The following MAB21L3 variants were observed in gnomAD, a reference collection of about 807,000 sequenced individuals.
MAB21L3 encodes mab-21 like 3, also known as protein mab-21-like 3.
A neutral mutation model predicts 37.7 loss-of-function variants in MAB21L3; 36 were observed. The ratio of observed to expected loss-of-function variants is 0.96; its 90% CI spans 0.73 to 1.26. The LOEUF is 1.26. MAB21L3 is among the 50% of genes most tolerant of loss of function. The pLI is 0.00. For synonymous variants in MAB21L3, 186 were observed against 176.8 expected (o/e 1.05, Z -0.41); for missense variants, 430 against 447.3 (o/e 0.96, Z 0.35).
At chr1:116,131,958 AC>A (rs1227861835) in intron 7 of MAB21L3, among the ~76,000 whole-genome samples, 1 of 152,112 alleles carries the variant, frequency 6.6e-6, no homozygotes, top group Admixed American at 6.6e-5. Flanking sequence ...ACAGGACTTG[AC>A]TGGGGACGGT....
chr1:116,121,103 C>T (rs41275550), intron 4 of MAB21L3, 31 bp downstream of exon 4: 125,145 of 1,600,600 alleles, frequency 0.078, 5,495 homozygotes, highest in Admixed American at 0.16. Context: ...CTAAGTGCCA[C>T]CAACAGAGCC....
At chr1:116,123,123 C>G (rs976918483) in intron 4 of MAB21L3, among the ~76,000 whole-genome samples, 15 of 152,314 alleles carry the variant, frequency 9.8e-5, no homozygotes, top group African/African-American at 3.1e-4. Flanking sequence ...TGACTCACAG[C>G]CGAAGGCGTG....
intron 3 of MAB21L3, 48 bp from the exon 4 acceptor site, chr1:116,120,884 G>A: frequency 2.5e-6 from 4 of 1,605,512 alleles, no homozygotes; most frequent in Non-Finnish European, 3.4e-6. Flanking sequence ...TGGTATCTTG[G>A]GGCCCACAGA....
intron 1 of MAB21L3, 23 bp from the exon 2 acceptor site, chr1:116,111,606 A>G (rs1418657675): frequency 4.5e-5 from 6 of 134,592 alleles, no homozygotes; most frequent in African/African-American, 1.8e-4. Context: ...GACCATTGTG[A>G]AATTTTTTTT....
intron 5 of MAB21L3, among the ~76,000 whole-genome samples, chr1:116,125,878 A>C (rs548070649): frequency 6.6e-6 from 1 of 150,836 alleles, no homozygotes; most frequent in East Asian, 1.9e-4. Flanking sequence ...GTGGGCCGGC[A>C]GGGTGTGGGC....
At chr1:116,120,911 G>T in intron 3 of MAB21L3, 21 bp from the exon 4 acceptor site, 1 of 1,613,268 alleles carries the variant, frequency 6.2e-7, no homozygotes, top group Non-Finnish European at 8.5e-7. Context: ...AACCACCATT[G>T]CTGGTCCCTC....
chr1:116,133,396 A>G lies in MAB21L3; in HGVS notation c.*31A>G. On this transcript the variant is annotated 3_prime_UTR_variant, in exon 8 of 8. Transcript: ENST00000369500. The stretch of plus-strand genomic sequence containing the variant: ...GCCCCGGCCTGGGAGGCTCTTGGAC[A>G]TTTTATTCTGGCTTAACATTGTTCT... 6.3e-7 allele frequency: 1 copy of G among 1,586,022 alleles called. No individual in the cohort carries two copies. Among genetic ancestry groups the G allele is most frequent in the Non-Finnish European group, 8.7e-7 (1 of 1,154,694 alleles).
At chr1:116,116,049 G>A (rs1261889449) in intron 3 of MAB21L3, among the ~76,000 whole-genome samples, 1 of 152,204 alleles carries the variant, frequency 6.6e-6, no homozygotes, top group Non-Finnish European at 1.5e-5. Context: ...TGCAATGGGT[G>A]TCTACTTGTG....
intron 3 of MAB21L3, among the ~76,000 whole-genome samples, chr1:116,116,173 G>A (rs1226741328): frequency 1.3e-5 from 2 of 152,166 alleles, no homozygotes; most frequent in Non-Finnish European, 2.9e-5. Context: ...CAGAATAAGT[G>A]GAGAGAAACA....
At position 116,120,953 on chromosome 1, in the gene MAB21L3, A is replaced by T; in HGVS notation, c.70A>T (p.Ile24Phe). 1 of 1,614,160 alleles carries T rather than the reference A, an allele frequency of 6.2e-7. No homozygotes were observed. Among genetic ancestry groups the T allele is most frequent in the Non-Finnish European group, 8.5e-7 (1 of 1,180,002 alleles). Residue 24 changes from isoleucine (I) to phenylalanine (F), a missense_variant, in exon 4 of 8, where the codon ATT becomes TTT. Physicochemically the swap from Ile to Phe is conservative, Grantham distance 21 (BLOSUM62 0). Coordinates refer to ENST00000369500, the MANE Select transcript of MAB21L3 (RefSeq NM_152367.3). ...CCAGGTGGACTTGAGGCGCCAGCAG[A>T]TTTCCCAGGCTGTGGAGGAGGTGCA... ...LNKVDLRRQQ[I>F]SQAVEEVQKV...
rs184220471 is a variant in MAB21L3, at chr1:116,129,248, C to T, written c.855+909C>T. Among the ~76,000 whole-genome samples, 532 of 152,332 alleles carry T rather than the reference C, an allele frequency of 3.5e-3. 5 individuals are homozygous for T. Among genetic ancestry groups the T allele is most frequent in the African/African-American group, 0.013 (522 of 41,578 alleles). On this transcript the variant is annotated intron_variant, in intron 7 of 7. Coordinates refer to ENST00000369500, the MANE Select transcript of MAB21L3 (RefSeq NM_152367.3). ...TGGACTGGGCAGTCAGGGGGCCTCC[C>T]TGGAGAGGGGGCCTTTGACCACCCT...
chr1:116,129,272 C>A (rs1570812999), intron 7 of MAB21L3, among the ~76,000 whole-genome samples: 1 of 152,226 alleles, frequency 6.6e-6, no homozygotes, highest in Non-Finnish European at 1.5e-5. Flanking sequence ...TTTGACCACC[C>A]TCCCGACTCC....
In MAB21L3 at chr1:116,135,288, A is replaced by G. The variant is rs1660179117; in HGVS notation, c.*1923A>G. 1 of 152,130 alleles carries G rather than the reference A, an allele frequency of 6.6e-6. No homozygotes were observed. Among genetic ancestry groups the G allele is most frequent in the Admixed American group, 6.5e-5 (1 of 15,278 alleles). The allele number at this position is 152,130 out of a possible 1,614,324, so 9.4% of individuals were successfully genotyped here. A position where few individuals can be genotyped will look rare whatever the true frequency, so the allele number is the denominator to read the frequency against. On this transcript the variant is annotated 3_prime_UTR_variant, in exon 8 of 8. Transcript: ENST00000369500. ...CAAATAGATGCAATAAAAAATGATAAAGGGGATATCACCACCGATCCCACA... is the reference window on the plus strand; with the variant it reads ...CAAATAGATGCAATAAAAAATGATAGAGGGGATATCACCACCGATCCCACA...
chr1:116,118,800 T>C (rs1288941811), intron 3 of MAB21L3, among the ~76,000 whole-genome samples: 3 of 152,186 alleles, frequency 2.0e-5, no homozygotes, highest in Admixed American at 1.3e-4. Flanking sequence ...TTTTCCTAGC[T>C]AACGCCTAGT....
chr1:116,113,538 G>T (rs1285478509), intron 3 of MAB21L3, among the ~76,000 whole-genome samples: 2 of 152,094 alleles, frequency 1.3e-5, no homozygotes, highest in Non-Finnish European at 2.9e-5. Context: ...AAACTTTTTA[G>T]TGTGGTGTTC....
intron 3 of MAB21L3, among the ~76,000 whole-genome samples, chr1:116,120,307 G>T (rs1478834439): frequency 6.6e-6 from 1 of 151,646 alleles, no homozygotes; most frequent in African/African-American, 2.4e-5. Context: ...TTTGTCCATT[G>T]CCCACCCTAA....
At position 116,124,198 on chromosome 1, in the gene MAB21L3, G is replaced by C; in HGVS notation, c.322G>C (p.Glu108Gln). 1 of 1,614,254 alleles carries C rather than the reference G, an allele frequency of 6.2e-7. No homozygotes were observed. Among genetic ancestry groups the C allele is most frequent in the Non-Finnish European group, 8.5e-7 (1 of 1,180,046 alleles). Residue 108 changes from glutamate to glutamine, a missense_variant, in exon 5 of 8, where the codon GAG becomes CAG. Glu to Gln is a conservative substitution (Grantham distance 29). Transcript: ENST00000369500. ...GCTGCCCTGCCCGTTGCGGGACCCT[G>C]AGGGTCTGCAGCAGTGGCTGGAGGT... The part of the protein sequence containing the change: ...TRLPCPLRDP[E>Q]GLQQWLEVEQ...
intron 3 of MAB21L3, among the ~76,000 whole-genome samples, chr1:116,119,168 C>T (rs764723713): frequency 2.0e-5 from 3 of 152,190 alleles, no homozygotes; most frequent in Non-Finnish European, 2.9e-5. Context: ...TAGCATCCCA[C>T]AATTGTATTC....
Position 116,124,870 on chromosome 1 carries a change from T to TACACACAC in MAB21L3, c.481+525_481+532dup, listed in dbSNP as rs148469511. Reference sequence around the variant, plus strand: ...CTTAAGCTACTGTACAGCATATGCATACACACACACACACACACATACACA... The same window carrying TACACACAC: ...CTTAAGCTACTGTACAGCATATGCATACACACACACACACACACACACACACATACACA... On this transcript the variant is annotated intron_variant, in intron 5 of 7. Transcript: ENST00000369500. Among the ~76,000 whole-genome samples the TACACACAC allele has an allele frequency of 9.3e-3, 1,299 of 140,340 alleles. 6 individuals are homozygous for TACACACAC. Among genetic ancestry groups the TACACACAC allele is most frequent in the East Asian group, 0.026 (128 of 4,936 alleles). The allele number at this position is 140,340 out of a possible 152,430, so 92.1% of individuals were successfully genotyped here.
Sources: allele counts gnomAD v4.1 joint callset (sites outside exome capture counted in the v4.1 genomes callset), GRCh38; gene constraint gnomAD v4.1.1; transcripts MANE v1.5; gene names NCBI Gene and HGNC (gene_info 2026-07-23, HGNC 2026-07-21).